The following CNBD1 variants were observed in gnomAD, a reference collection of about 807,000 sequenced individuals.
CNBD1 encodes the protein cyclic nucleotide binding domain containing 1.
A neutral mutation model predicts 54.4 loss-of-function variants in CNBD1; 71 were observed. That is an observed-to-expected ratio of 1.30 (90% CI 1.08 to 1.59). The LOEUF (loss-of-function observed/expected upper bound fraction) is 1.59. CNBD1 is among the 40% of genes most tolerant of loss of function. The pLI is 0.00. For synonymous variants in CNBD1, 182 were observed against 170.7 expected (o/e 1.07, Z -0.51); for missense variants, 659 against 518.0 (o/e 1.27, Z -2.64).
intron 6 of CNBD1, among the ~76,000 whole-genome samples, chr8:87,240,942 C>T (rs1362709382): frequency 6.6e-6 from 1 of 152,026 alleles, no homozygotes; most frequent in Non-Finnish European, 1.5e-5. Flanking sequence ...GTTCCCTTTT[C>T]GTACAGTTTA....
chr8:87,123,906 A>G (rs1811941252), intron 4 of CNBD1, among the ~76,000 whole-genome samples: 1 of 151,698 alleles, frequency 6.6e-6, no homozygotes, highest in Admixed American at 6.6e-5. Flanking sequence ...AAATTTCTAG[A>G]CACATGGACC....
intron 4 of CNBD1, among the ~76,000 whole-genome samples, chr8:87,096,208 C>A (rs1811316891): frequency 6.6e-6 from 1 of 152,134 alleles, no homozygotes; most frequent in Non-Finnish European, 1.5e-5. Context: ...TTTATGTTTT[C>A]ACAATTCTGG....
At chr8:87,388,108 G>A (rs923488179) in intron 2 of CNBD1, among the ~76,000 whole-genome samples, 7 of 152,162 alleles carry the variant, frequency 4.6e-5, no homozygotes, top group Admixed American at 1.3e-4. Context: ...TCAAAACTGT[G>A]TAGAGGGAAA....
intron 4 of CNBD1, among the ~76,000 whole-genome samples, chr8:86,965,280 G>A (rs1808041408): frequency 6.6e-6 from 1 of 152,132 alleles, no homozygotes; most frequent in East Asian, 1.9e-4. Flanking sequence ...CACCCTAATG[G>A]GCAGTCAGGG....
At chr8:87,157,513 T>G (rs1812765929) in intron 4 of CNBD1, among the ~76,000 whole-genome samples, 2 of 152,198 alleles carry the variant, frequency 1.3e-5, no homozygotes, top group African/African-American at 4.8e-5. Context: ...GACAACTGAC[T>G]AAACATAGGG....
intron 4 of CNBD1, among the ~76,000 whole-genome samples, chr8:86,946,368 T>C (rs921778594): frequency 3.3e-5 from 5 of 152,276 alleles, no homozygotes; most frequent in South Asian, 4.1e-4. Context: ...TATTTGATCA[T>C]ATATTAAGTA....
intron 5 of CNBD1, among the ~76,000 whole-genome samples, chr8:87,228,312 G>A (rs981519970): frequency 5.9e-5 from 9 of 151,274 alleles, no homozygotes; most frequent in African/African-American, 2.2e-4. Context: ...AGGAGGAGAG[G>A]CACTCTGATT....
chr8:87,185,824 A>G (rs767966308), intron 4 of CNBD1, among the ~76,000 whole-genome samples: 4 of 152,056 alleles, frequency 2.6e-5, no homozygotes, highest in Non-Finnish European at 4.4e-5. Flanking sequence ...CTCCTCTACA[A>G]TAATTTTCTC....
At chr8:87,284,530 G>A in intron 6 of CNBD1, 148 bp from the exon 7 acceptor site, 1 of 505,260 alleles carries the variant, frequency 2.0e-6, no homozygotes. Context: ...GTGACATCGA[G>A]CAGAAGTAGT....
At chr8:87,156,534 G>T (rs1247610095) in intron 4 of CNBD1, among the ~76,000 whole-genome samples, 3 of 151,710 alleles carry the variant, frequency 2.0e-5, no homozygotes, top group African/African-American at 4.8e-5. Context: ...GTGAGCCACC[G>T]CACCTGGCCT....
intron 4 of CNBD1, among the ~76,000 whole-genome samples, chr8:87,198,573 T>G (rs1263918933): frequency 6.6e-6 from 1 of 152,164 alleles, no homozygotes; most frequent in Non-Finnish European, 1.5e-5. Context: ...CTATTATGAT[T>G]AGAAACAAGT....
Position 87,102,228 on chromosome 8 carries a change from T to TA in CNBD1, c.432-103762dup, listed in dbSNP as rs1811443549. On this transcript the variant is annotated intron_variant, in intron 4 of 10. Transcript: ENST00000518476. Reference sequence around the variant, plus strand: ...GATGGACATAACTGATTGGTGAGAGTAAACTTGGTGTAAGAAAGAGGAGAC... The same window carrying TA: ...GATGGACATAACTGATTGGTGAGAGTAAAACTTGGTGTAAGAAAGAGGAGAC... Among the ~76,000 whole-genome samples, 3 of 152,014 alleles carry TA rather than the reference T, an allele frequency of 2.0e-5. No individual in the cohort carries two copies. In the South Asian group the frequency reaches 6.2e-4, roughly 32 times the overall value.
At chr8:87,040,423 CTT>C (rs71277911) in intron 4 of CNBD1, among the ~76,000 whole-genome samples, 16 of 129,364 alleles carry the variant, frequency 1.2e-4, no homozygotes, top group Admixed American at 1.6e-4. Flanking sequence ...AATTCTTTTT[CTT>C]TTTTTTTTTT....
intron 4 of CNBD1, among the ~76,000 whole-genome samples, chr8:87,105,211 C>T (rs1484409265): frequency 6.6e-6 from 1 of 152,046 alleles, no homozygotes; most frequent in Non-Finnish European, 1.5e-5. Flanking sequence ...ATAACTTTAT[C>T]ATCTTTGAAA....
At chr8:87,420,412 A>G (rs1287173811) in intron 2 of CNBD1, among the ~76,000 whole-genome samples, 1 of 152,084 alleles carries the variant, frequency 6.6e-6, no homozygotes, top group Non-Finnish European at 1.5e-5. Context: ...TTTTATGGCT[A>G]TCATAATTAC....
chr8:87,275,048 T>A lies in CNBD1; in HGVS notation c.772-9630T>A, dbSNP rs1419667027. On this transcript the variant is annotated intron_variant, in intron 6 of 10. Coordinates refer to ENST00000518476, the MANE Select transcript of CNBD1 (RefSeq NM_173538.3). ...AATAGGGAATCCTTTCCCCATTGCT[T>A]GTTTTTCTCAGGTTTGTCAAAGATC... Among the ~76,000 whole-genome samples, 3 of 134,298 alleles carry A rather than the reference T, an allele frequency of 2.2e-5. 1 individual carries two copies. Among genetic ancestry groups the A allele is most frequent in the African/African-American group, 9.1e-5 (3 of 33,014 alleles). 88.1% of individuals were successfully genotyped at this position (134,298 alleles called of 152,430 possible).
intron 4 of CNBD1, among the ~76,000 whole-genome samples, chr8:87,014,676 A>G (rs1212903974): frequency 6.6e-6 from 1 of 152,114 alleles, no homozygotes; most frequent in Non-Finnish European, 1.5e-5. Flanking sequence ...TATTTGATAT[A>G]AGTATCTGGG....
intron 4 of CNBD1, among the ~76,000 whole-genome samples, chr8:87,005,721 AC>A (rs1228539873): frequency 6.6e-6 from 1 of 152,126 alleles, no homozygotes; most frequent in Non-Finnish European, 1.5e-5. Flanking sequence ...GTCTATTGAA[AC>A]AAAAAGTAGG....
At chr8:87,278,700 AG>A (rs1045427458) in intron 6 of CNBD1, among the ~76,000 whole-genome samples, 3 of 151,568 alleles carry the variant, frequency 2.0e-5, no homozygotes, top group African/African-American at 7.2e-5. Flanking sequence ...CCAGAATTCA[AG>A]TACAGAAAAG....
Sources: gnomAD v4.1 joint callset for allele counts (sites outside exome capture counted in the v4.1 genomes callset) on GRCh38, gnomAD v4.1.1 for gene constraint, MANE v1.5 for transcripts, NCBI Gene and HGNC (gene_info 2026-07-23, HGNC 2026-07-21) for gene names.